The following CYP4X1 variants were observed in gnomAD, a reference collection of about 807,000 sequenced individuals.
CYP4X1 encodes cytochrome P450 family 4 subfamily X member 1, also known as cytochrome P450 4X1.
CYP4X1 carries 44 observed loss-of-function variants against 57.9 expected under a neutral mutation model. That is an observed-to-expected ratio of 0.76 (90% CI 0.60 to 0.98). The LOEUF (loss-of-function observed/expected upper bound fraction) is 0.98. CYP4X1 is among the 50% of genes least tolerant of loss of function. CYP4X1 has a pLI of 0.00. For missense variants in CYP4X1, 532 were observed against 623.9 expected (o/e 0.85, Z 1.57); for synonymous variants, 227 against 228.6 (o/e 0.99, Z 0.06).
chr1:46,992,053 T>A, the CYP4X1 span, among the ~76,000 whole-genome samples: 233 of 152,304 alleles, frequency 1.5e-3, 1 homozygote, highest in African/African-American at 5.2e-3. Flanking sequence ...ACGCTTGTAG[T>A]CCCAGCACTT....
At chr1:47,024,378 A>G (rs1455661100) in intron 1 of CYP4X1, among the ~76,000 whole-genome samples, 1 of 152,208 alleles carries the variant, frequency 6.6e-6, no homozygotes, top group Non-Finnish European at 1.5e-5. Flanking sequence ...AATATGCAAA[A>G]TCTATCCCAA....
chr1:46,968,770 C>T, the CYP4X1 span, among the ~76,000 whole-genome samples: 2 of 152,144 alleles, frequency 1.3e-5, no homozygotes, highest in Admixed American at 1.3e-4. Flanking sequence ...CTATATAACA[C>T]GTTTTGTCCT....
At chr1:47,048,688 T>C (rs1170036420) in intron 10 of CYP4X1, 59 bp downstream of exon 10, 4 of 1,504,184 alleles carry the variant, frequency 2.7e-6, no homozygotes, top group Non-Finnish European at 3.6e-6. Flanking sequence ...AAGTCACTTT[T>C]TGGTAGCTAA....
chr1:46,982,081 G>A, the CYP4X1 span, among the ~76,000 whole-genome samples: 1 of 152,012 alleles, frequency 6.6e-6, no homozygotes, highest in Non-Finnish European at 1.5e-5. Flanking sequence ...GTATACATAT[G>A]TAACAAACCT....
chr1:47,038,191 C>A (rs748135029), intron 6 of CYP4X1, among the ~76,000 whole-genome samples: 10 of 152,062 alleles, frequency 6.6e-5, no homozygotes, highest in Admixed American at 6.6e-5. Context: ...TGTACATGTA[C>A]CCCTGTATCT....
intron 8 of CYP4X1, among the ~76,000 whole-genome samples, chr1:47,042,798 T>C (rs1644260804): frequency 6.6e-6 from 1 of 152,186 alleles, no homozygotes; most frequent in Non-Finnish European, 1.5e-5. Flanking sequence ...TTGTTCCTTT[T>C]CATGGCTGAG....
intron 2 of CYP4X1, among the ~76,000 whole-genome samples, chr1:47,030,660 T>C (rs1644115267): frequency 6.6e-6 from 1 of 152,214 alleles, no homozygotes; most frequent in South Asian, 2.1e-4. Flanking sequence ...ACCCAATCCT[T>C]TTTTAAGGCT....
chr1:46,971,285 G>A, the CYP4X1 span, among the ~76,000 whole-genome samples: 3 of 152,160 alleles, frequency 2.0e-5, no homozygotes, highest in Non-Finnish European at 2.9e-5. Context: ...AGTATTCCAT[G>A]GTGTATGTGT....
the CYP4X1 span, among the ~76,000 whole-genome samples, chr1:46,988,564 T>A: frequency 1.3e-5 from 2 of 152,064 alleles, no homozygotes; most frequent in Non-Finnish European, 2.9e-5. Context: ...TACCAAAACC[T>A]GGCAGAGACA....
In CYP4X1 at chr1:47,023,736, C is replaced by G; in HGVS notation, c.-82C>G. ...CCCAGAGAGGCGGTGGGGTGGGCGA[C>G]CCTACGCCAGCTCCGGGCGGGAGAA... On this transcript the variant is annotated 5_prime_UTR_variant, in exon 1 of 12. Transcript: ENST00000371901. 6.6e-7 allele frequency: 1 copy of G among 1,525,970 alleles called. No individual in the cohort carries two copies. The highest frequency in any genetic ancestry group is 2.4e-4 in the Middle Eastern group (1 of 4,098). The allele number at this position is 1,525,970 out of a possible 1,614,324, so 94.5% of individuals were successfully genotyped here.
the CYP4X1 span, among the ~76,000 whole-genome samples, chr1:46,993,237 C>T: frequency 6.6e-6 from 1 of 151,990 alleles, no homozygotes; most frequent in Non-Finnish European, 1.5e-5. Context: ...CCAGCTTCAT[C>T]CATGTCCCTA....
chr1:47,039,799 C>G (rs1237843047), intron 8 of CYP4X1: 5 of 228,732 alleles, frequency 2.2e-5, no homozygotes, highest in Non-Finnish European at 4.2e-5. Context: ...CTTTATTTCA[C>G]CTTGGCTCTG....
At chr1:46,990,411 A>G in the CYP4X1 span, among the ~76,000 whole-genome samples, 2 of 152,212 alleles carry the variant, frequency 1.3e-5, no homozygotes, top group Admixed American at 1.3e-4. Context: ...CAGATACTGG[A>G]GACGATGCAG....
At chr1:47,049,888 G>T in intron 11 of CYP4X1, 112 bp from the exon 12 acceptor site, 1 of 1,124,532 alleles carries the variant, frequency 8.9e-7, no homozygotes, top group South Asian at 1.6e-5. Context: ...ATGGCATTTG[G>T]TGGAAAAATA....
At chr1:47,004,613 T>G in the CYP4X1 span, among the ~76,000 whole-genome samples, 1 of 152,086 alleles carries the variant, frequency 6.6e-6, no homozygotes, top group Admixed American at 6.5e-5. Context: ...TTTTTTTAAT[T>G]TATTTATTTC....
upstream of CYP4X1, among the ~76,000 whole-genome samples, chr1:47,021,340 A>G (rs1184194896): frequency 6.6e-6 from 1 of 152,112 alleles, no homozygotes; most frequent in Non-Finnish European, 1.5e-5. Context: ...GGGATAGCAA[A>G]AACACAAGCA....
the CYP4X1 span, among the ~76,000 whole-genome samples, chr1:47,013,759 C>CTTTTTTTTT: frequency 1.6e-5 from 2 of 122,118 alleles, no homozygotes; most frequent in East Asian, 2.4e-4. Flanking sequence ...TCAATATACT[C>CTTTTTTTTT]TTTTTTTTTT....
rs960504243 is a variant in CYP4X1, at chr1:47,048,611, T to C, written c.1254T>C (p.Ala418=). ...TTTGGGGTCTTCACCACAACCCTGC[T>C]GTCTGGAAAAACCCAAAGGTATGAT... ...LSIWGLHHNP[A]VWKNPKVFDP... is the part of the protein sequence containing the mutation. Residue 418 remains alanine, a synonymous_variant, in exon 10 of 12, where the codon GCT becomes GCC. Coordinates refer to ENST00000371901, the MANE Select transcript of CYP4X1 (RefSeq NM_178033.2). 3.8e-5 allele frequency: 62 copies of C among 1,612,700 alleles called. No homozygotes were observed. The highest frequency in any genetic ancestry group is 1.6e-4 in the Middle Eastern group (1 of 6,074).
chr1:47,019,781 A>G (rs1431476418), upstream of CYP4X1, among the ~76,000 whole-genome samples: 1 of 152,226 alleles, frequency 6.6e-6, no homozygotes, highest in Non-Finnish European at 1.5e-5. Flanking sequence ...GACAAATTGC[A>G]TAATCTGTGC....
Sources: gnomAD v4.1 joint callset for allele counts (sites outside exome capture counted in the v4.1 genomes callset) on GRCh38, gnomAD v4.1.1 for gene constraint, MANE v1.5 for transcripts, NCBI Gene and HGNC (gene_info 2026-07-23, HGNC 2026-07-21) for gene names.